The following PHACTR2 variants were observed in gnomAD, a reference collection of about 807,000 sequenced individuals.
PHACTR2 encodes chromosome 6 open reading frame 56.
A neutral mutation model predicts 76.0 loss-of-function variants in PHACTR2; 30 were observed. The ratio of observed to expected loss-of-function variants is 0.39; its 90% CI spans 0.30 to 0.54. The LOEUF (loss-of-function observed/expected upper bound fraction) is 0.54. PHACTR2 is among the 20% of genes least tolerant of loss of function. The pLI is 0.61. For missense variants in PHACTR2, 696 were observed against 781.1 expected (o/e 0.89, Z 1.30); for synonymous variants, 292 against 292.5 (o/e 1.00, Z 0.02).
chr6:143,576,875 CAAAAAAAAAAAAAAAAAA>C (rs35937662), intron 1 of PHACTR2, among the ~76,000 whole-genome samples: 4 of 102,548 alleles, frequency 3.9e-5, no homozygotes, highest in Non-Finnish European at 5.7e-5. Flanking sequence ...GACTCTGTCT[CAAAAAAAAAAAAAAAAAA>C]AAAAAAAAAA....
chr6:143,703,409 GT>G (rs1380415573), intron 1 of PHACTR2, among the ~76,000 whole-genome samples: 2 of 152,092 alleles, frequency 1.3e-5, no homozygotes, highest in African/African-American at 4.8e-5. Context: ...TTTAATGACT[GT>G]GGGAACAACT....
At chr6:143,565,145 A>G (rs1775344477) in intron 1 of PHACTR2, among the ~76,000 whole-genome samples, 1 of 152,222 alleles carries the variant, frequency 6.6e-6, no homozygotes, top group South Asian at 2.1e-4. Context: ...TTTAATGAGC[A>G]CCTACTGCAT....
rs559588543 is a variant in PHACTR2, at chr6:143,621,703, T to G, written c.13+13381T>G. ...GGCATATCCATGAGCCTCACTTTCC[T>G]CATCTGTAGTTTAGGGTTGATTGTA... On this transcript the variant is annotated intron_variant, in intron 1 of 11. Coordinates refer to the PHACTR2 transcript ENST00000305766. The surrounding 1 kb of genome is among the most constrained non-coding windows in gnomAD (Gnocchi z 4.1). Among the ~76,000 whole-genome samples the G allele has an allele frequency of 2.6e-5, 4 of 152,272 alleles. No homozygotes were observed. The highest frequency in any genetic ancestry group is 9.6e-5 in the African/African-American group (4 of 41,562).
At chr6:143,711,749 A>T in intron 1 of PHACTR2, 1 of 644,530 alleles carries the variant, frequency 1.6e-6, no homozygotes, top group East Asian at 3.3e-5. Flanking sequence ...TTGCACAGAC[A>T]CTCATTTGTC....
In PHACTR2 at chr6:143,772,128, C is replaced by T. The variant is rs1234932776; in HGVS notation, c.1233-130C>T. 6 of 674,032 alleles carry T rather than the reference C, an allele frequency of 8.9e-6. No individual in the cohort carries two copies. The highest frequency in any genetic ancestry group is 5.4e-5 in the African/African-American group (3 of 55,890). The allele number at this position is 674,032 out of a possible 1,614,324, so 41.8% of individuals were successfully genotyped here. A position where few individuals can be genotyped will look rare whatever the true frequency, so the allele number is the denominator to read the frequency against. ...TTTCATTTCAGTGACTTTAGCCTGG[C>T]CTATGTCAAGTGTCTGCTTTCCTCA... On this transcript the variant is annotated intron_variant, in intron 6 of 12. Transcript: ENST00000440869. This position sits in a 1 kb window ranked among gnomAD's most constrained non-coding sequence, Gnocchi z 5.4.
chr6:143,600,478 A>G (rs547448587), intron 1 of PHACTR2, among the ~76,000 whole-genome samples: 3 of 152,384 alleles, frequency 2.0e-5, no homozygotes, highest in Admixed American at 2.0e-4. Context: ...ATAATAAAGT[A>G]TAGGTACAGT....
intron 1 of PHACTR2, among the ~76,000 whole-genome samples, chr6:143,692,202 G>GGGGA (rs757400170): frequency 6.6e-6 from 1 of 152,172 alleles, no homozygotes; most frequent in Non-Finnish European, 1.5e-5. Context: ...TCACAGGACT[G>GGGGA]GGGAGGGCAG....
rs1253151291 is a variant in PHACTR2 at position 143,688,366 on chromosome 6, A to C, written c.46+10157A>C. 6.6e-6 allele frequency among the ~76,000 whole-genome samples: 1 copy of C among 152,230 alleles called. No individual in the cohort carries two copies. The highest frequency in any genetic ancestry group is 1.9e-4 in the East Asian group (1 of 5,168). ...GAGGGGTGGGTAGAGAAATGGGAGT[A>C]GGGTCTCACCCAACTCTCAACTCCC... is the stretch of plus-strand genomic sequence containing the variant. On this transcript the variant is annotated intron_variant, in intron 1 of 12. Coordinates refer to ENST00000440869, the MANE Select transcript of PHACTR2 (RefSeq NM_001100164.2). The surrounding 1 kb of genome is among the most constrained non-coding windows in gnomAD (Gnocchi z 5.2).
At chr6:143,603,115 A>T (rs1775829610) in intron 1 of PHACTR2, among the ~76,000 whole-genome samples, 1 of 142,198 alleles carries the variant, frequency 7.0e-6, no homozygotes, top group Non-Finnish European at 1.5e-5. Context: ...ACTGCACTCT[A>T]GCCTGGGTGA....
At chr6:143,706,582 G>C (rs943372957) in intron 1 of PHACTR2, among the ~76,000 whole-genome samples, 2 of 152,098 alleles carry the variant, frequency 1.3e-5, no homozygotes, top group African/African-American at 4.8e-5. Flanking sequence ...GTACTTCCTT[G>C]TTTGATCCCA....
Position 143,794,757 on chromosome 6 carries a change from G to A in PHACTR2, c.1845+5847G>A, listed in dbSNP as rs188423854. 3.9e-5 allele frequency among the ~76,000 whole-genome samples: 6 copies of A among 152,150 alleles called. No individual in the cohort carries two copies. Among genetic ancestry groups the A allele is most frequent in the African/African-American group, 9.7e-5 (4 of 41,434 alleles). ...TGCAGTGAGCTAAGATTATGCCGCC[G>A]CACTCCAGCCTGGGTGACAAAGCGA... is the stretch of plus-strand genomic sequence containing the variant. On this transcript the variant is annotated intron_variant, in intron 11 of 12. Coordinates refer to ENST00000440869, the MANE Select transcript of PHACTR2 (RefSeq NM_001100164.2). The surrounding 1 kb of genome is among the most constrained non-coding windows in gnomAD (Gnocchi z 4.1).
intron 11 of PHACTR2, among the ~76,000 whole-genome samples, chr6:143,790,443 G>C (rs935343102): frequency 6.6e-6 from 1 of 152,040 alleles, no homozygotes; most frequent in Admixed American, 6.6e-5. Context: ...GAGGACGGAG[G>C]GAGAGCACAG....
intron 12 of PHACTR2, among the ~76,000 whole-genome samples, chr6:143,815,467 C>T (rs1048708889): frequency 3.5e-4 from 53 of 151,756 alleles, no homozygotes; most frequent in African/African-American, 1.2e-3. Flanking sequence ...GTATAGGTGG[C>T]GTGACAATGA....
At position 143,795,084 on chromosome 6, in the gene PHACTR2, A is replaced by G. The variant is rs1209534927; in HGVS notation, c.1845+6174A>G. On this transcript the variant is annotated intron_variant, in intron 11 of 12. Transcript: ENST00000440869. This position sits in a 1 kb window ranked among gnomAD's most constrained non-coding sequence, Gnocchi z 4.8. ...AAGTGGTGGGAGAAATGCCTTATTA[A>G]TTGTGAACTTGATTGAGCTTTATTC... 2.0e-5 allele frequency among the ~76,000 whole-genome samples: 3 copies of G among 152,298 alleles called. No individual in the cohort carries two copies. Among genetic ancestry groups the G allele is most frequent in the Non-Finnish European group, 4.4e-5 (3 of 68,026 alleles).
chr6:143,827,328 A>G lies in PHACTR2; in HGVS notation c.*3639A>G, dbSNP rs1011804481. On this transcript the variant is annotated 3_prime_UTR_variant, in exon 13 of 13. Coordinates refer to ENST00000440869, the MANE Select transcript of PHACTR2 (RefSeq NM_001100164.2). Reference sequence around the variant, plus strand: ...ATGCTTCATAGAATCAGACAGACACAACTTTCAAAAATCTTACTGTATTCA... The same window carrying G: ...ATGCTTCATAGAATCAGACAGACACGACTTTCAAAAATCTTACTGTATTCA... The G allele has an allele frequency of 6.6e-6, 1 of 151,494 alleles. No individual in the cohort carries two copies. The highest frequency in any genetic ancestry group is 2.4e-5 in the African/African-American group (1 of 41,276). The allele number at this position is 151,494 out of a possible 1,614,324, so 9.4% of individuals were successfully genotyped here.
At chr6:143,713,526 C>T (rs1778231248) in intron 2 of PHACTR2, among the ~76,000 whole-genome samples, 1 of 152,196 alleles carries the variant, frequency 6.6e-6, no homozygotes, top group Non-Finnish European at 1.5e-5. Flanking sequence ...TCCTCTTCAG[C>T]ACCTAAGTGG....
In PHACTR2 at chr6:143,537,710, G is replaced by A. The variant is rs1470383769; in HGVS notation, c.217+503G>A. Among the ~76,000 whole-genome samples, 1 of 152,172 alleles carries A rather than the reference G, an allele frequency of 6.6e-6. No homozygotes were observed. The highest frequency in any genetic ancestry group is 1.5e-5 in the Non-Finnish European group (1 of 68,036). ...TTGCGGGTTGCTGGTAAGAGGACCC[G>A]GGATATGAGTTTTTCCTCCTTGCAA... On this transcript the variant is annotated intron_variant, in intron 1 of 11. Coordinates refer to the PHACTR2 transcript ENST00000367584. This position sits in a 1 kb window ranked among gnomAD's most constrained non-coding sequence, Gnocchi z 4.4.
rs1345247848 is a variant in PHACTR2, at chr6:143,776,098, C to T, written c.1590-1230C>T. On this transcript the variant is annotated intron_variant, in intron 8 of 12. Transcript: ENST00000440869. This position sits in a 1 kb window ranked among gnomAD's most constrained non-coding sequence, Gnocchi z 5.3. ...TTGTACCACTGCACACCAGCCTGGGCAACAGAGTGAGACTCCATCTCAAAA... is the reference window on the plus strand; with the variant it reads ...TTGTACCACTGCACACCAGCCTGGGTAACAGAGTGAGACTCCATCTCAAAA... 6.6e-6 allele frequency among the ~76,000 whole-genome samples: 1 copy of T among 151,928 alleles called. No homozygotes were observed. The highest frequency in any genetic ancestry group is 1.5e-5 in the Non-Finnish European group (1 of 67,952).
At chr6:143,575,010 G>A (rs9390112) in intron 1 of PHACTR2, among the ~76,000 whole-genome samples, 92,066 of 151,836 alleles carry the variant, frequency 0.61, 28,260 homozygotes, top group Middle Eastern at 0.72. Flanking sequence ...AGATTTCTCA[G>A]TATTTACTTG....
Sources: allele counts gnomAD v4.1 joint callset (sites outside exome capture counted in the v4.1 genomes callset), GRCh38; gene constraint gnomAD v4.1.1; non-coding constraint Gnocchi (gnomAD v3.1); transcripts MANE v1.5; gene names NCBI Gene and HGNC (gene_info 2026-07-23, HGNC 2026-07-21).